FAM91A1: variants seen among roughly 807,000 people sequenced by gnomAD.
FAM91A1 encodes the protein family with sequence similarity 91 member A1.
Under a neutral mutation model 113.5 loss-of-function variants are expected in FAM91A1, and 41 were observed. The observed-to-expected ratio is 0.36, with a 90% confidence interval of 0.28 to 0.47. The LOEUF (loss-of-function observed/expected upper bound fraction) is 0.47. Among genes scored for constraint, FAM91A1 ranks in the 20% least tolerant of loss-of-function variants. The pLI, the probability that FAM91A1 is intolerant of heterozygous loss-of-function variation, is 1.00. For missense variants in FAM91A1, 696 were observed against 1,001.2 expected (o/e 0.70, Z 4.11); for synonymous variants, 307 against 347.9 (o/e 0.88, Z 1.31).
At chr8:123,780,566 AC>A (rs1563638081) in intron 8 of FAM91A1, 24 bp downstream of exon 8, 1 of 1,597,538 alleles carries the variant, frequency 6.3e-7, no homozygotes, top group East Asian at 2.2e-5. Flanking sequence ...AACATTTTTC[AC>A]TGTTTTTTGA....
At chr8:123,779,923 A>G in intron 6 of FAM91A1, 62 bp from the exon 7 acceptor site, 1 of 1,359,474 alleles carries the variant, frequency 7.4e-7, no homozygotes, top group Non-Finnish European at 1.0e-6. Flanking sequence ...AATAAATTTC[A>G]GGAGACTTGT....
intron 18 of FAM91A1, among the ~76,000 whole-genome samples, chr8:123,803,022 G>C (rs1815723485): frequency 6.6e-6 from 1 of 152,162 alleles, no homozygotes; most frequent in African/African-American, 2.4e-5. Context: ...TTAAAATGAA[G>C]GGTGGCTGGG....
chr8:123,805,847 A>C (rs928249841), intron 19 of FAM91A1, among the ~76,000 whole-genome samples: 1 of 152,224 alleles, frequency 6.6e-6, no homozygotes, highest in African/African-American at 2.4e-5. Flanking sequence ...ATAAGTTCAC[A>C]TATTTATGAG....
At chr8:123,776,614 T>C (rs1174313463) in intron 3 of FAM91A1, among the ~76,000 whole-genome samples, 1 of 152,192 alleles carries the variant, frequency 6.6e-6, no homozygotes. Flanking sequence ...ATTTGGGAGC[T>C]AAAATAGGTG....
chr8:123,808,142 C>T (rs1434234505), intron 20 of FAM91A1, 130 bp from the exon 21 acceptor site: 1 of 704,048 alleles, frequency 1.4e-6, no homozygotes, highest in Admixed American at 3.2e-5. Flanking sequence ...CTTATTTAAG[C>T]CAAGGATTAT....
Position 123,784,455 on chromosome 8 carries a change from TTC to T in FAM91A1, c.704-13_704-12del, listed in dbSNP as rs1237851200. ...AATCTGTACCACTGAGAAAAATCTC[TTC>T]TGTTTGTTTTAGTTCCACCTCTTGA... On this transcript the variant is annotated splice_polypyrimidine_tract_variant and intron_variant, in intron 8 of 23. Coordinates refer to ENST00000334705, the MANE Select transcript of FAM91A1 (RefSeq NM_144963.4). 7 of 1,577,014 alleles carry T rather than the reference TTC, an allele frequency of 4.4e-6. No homozygotes were observed. Among genetic ancestry groups the T allele is most frequent in the South Asian group, 1.2e-5 (1 of 84,842 alleles).
intron 15 of FAM91A1, among the ~76,000 whole-genome samples, chr8:123,793,200 C>T (rs62519926): frequency 0.018 from 2,815 of 152,252 alleles, 35 homozygotes; most frequent in Non-Finnish European, 0.028. Flanking sequence ...CCAGTTAATG[C>T]ATTGTCTGAT....
intron 18 of FAM91A1, among the ~76,000 whole-genome samples, chr8:123,801,299 T>A (rs1815673941): frequency 6.6e-6 from 1 of 152,220 alleles, no homozygotes; most frequent in Non-Finnish European, 1.5e-5. Flanking sequence ...ATGATAAACC[T>A]TATACTTTAT....
At chr8:123,792,215 C>A (rs183461281) in intron 15 of FAM91A1, among the ~76,000 whole-genome samples, 1 of 151,974 alleles carries the variant, frequency 6.6e-6, no homozygotes, top group Non-Finnish European at 1.5e-5. Context: ...GTGTTTTAAG[C>A]GTCTTGTTTG....
chr8:123,775,008 C>T, intron 2 of FAM91A1, 139 bp from the exon 3 acceptor site: 28 of 807,774 alleles, frequency 3.5e-5, no homozygotes, highest in South Asian at 1.7e-4. Flanking sequence ...TTCTTTGTTC[C>T]AACTTAGAAT....
chr8:123,779,890 A>G (rs188563137), intron 6 of FAM91A1, 95 bp from the exon 7 acceptor site: 15 of 966,800 alleles, frequency 1.6e-5, no homozygotes, highest in African/African-American at 1.1e-4. Flanking sequence ...AGCTAATGAC[A>G]TGTAATCACT....
At chr8:123,780,722 G>A (rs942297110) in intron 8 of FAM91A1, among the ~76,000 whole-genome samples, 180 bp downstream of exon 8, 1 of 151,938 alleles carries the variant, frequency 6.6e-6, no homozygotes, top group Admixed American at 6.6e-5. Context: ...TTTTGTATTT[G>A]GTGTACATAC....
Position 123,798,241 on chromosome 8 carries a change from A to G in FAM91A1, c.1560+3A>G. On this transcript the variant is annotated splice_donor_region_variant and intron_variant, in intron 16 of 23. Coordinates refer to ENST00000334705, the MANE Select transcript of FAM91A1 (RefSeq NM_144963.4). ...CTGTCAGCAGCTGCACCCCTCAGGT[A>G]AAGACCTACTTGGAAGATCCACTTG... 6.2e-7 allele frequency: 1 copy of G among 1,613,648 alleles called. No individual in the cohort carries two copies. Among genetic ancestry groups the G allele is most frequent in the Non-Finnish European group, 8.5e-7 (1 of 1,179,774 alleles).
intron 21 of FAM91A1, among the ~76,000 whole-genome samples, chr8:123,808,597 T>A (rs921550259): frequency 6.6e-6 from 1 of 152,186 alleles, no homozygotes; most frequent in Non-Finnish European, 1.5e-5. Context: ...TTTGATTCAT[T>A]CTCTCATCTT....
rs144099428 is a variant in FAM91A1 at position 123,795,547 on chromosome 8, C to T, written c.1412-2543C>T. 4.2e-3 allele frequency among the ~76,000 whole-genome samples: 646 copies of T among 152,286 alleles called. 7 individuals are homozygous for T. The highest frequency in any genetic ancestry group is 0.015 in the African/African-American group (624 of 41,556). On this transcript the variant is annotated intron_variant, in intron 15 of 23. Transcript: ENST00000334705. ...ATGATTGTCAGCTTCCTAAGGCCTC[C>T]TCAGAAGCAGAGGCCACTCTGCTTC...
rs753475997 is a variant in FAM91A1, at chr8:123,799,644, A to T, written c.1685A>T (p.Asp562Val). The change falls in exon 17 of 24, where the codon GAT (aspartate) becomes GTT (valine). Residue 562 changes from aspartate to valine, a missense_variant. Physicochemically the swap from Asp to Val is radical, Grantham distance 152. Transcript: ENST00000334705. ...GGTACAAGACTTCGAAAACTGCCAGATATATTTCAGGTATGTGTGGGAGGT... is the reference window on the plus strand; with the variant it reads ...GGTACAAGACTTCGAAAACTGCCAGTTATATTTCAGGTATGTGTGGGAGGT... ...SKGTRLRKLP[D>V]IFQSYDRLLI... The T allele has an allele frequency of 1.2e-6, 2 of 1,613,974 alleles. No individual in the cohort carries two copies. The highest frequency in any genetic ancestry group is 2.2e-5 in the East Asian group (1 of 44,854).
chr8:123,815,064 T>G lies in FAM91A1; in HGVS notation c.*2360T>G, dbSNP rs1299962933. 6.6e-6 allele frequency: 1 copy of G among 152,586 alleles called. No homozygotes were observed. Among genetic ancestry groups the G allele is most frequent in the Non-Finnish European group, 1.5e-5 (1 of 68,008 alleles). 9.5% of individuals were successfully genotyped at this position (152,586 alleles called of 1,614,324 possible). ...ACAAATATCAAAAAAGACATAGAATTTAATATTGATACAATTTCACCTCTA... is the reference window on the plus strand; with the variant it reads ...ACAAATATCAAAAAAGACATAGAATGTAATATTGATACAATTTCACCTCTA... On this transcript the variant is annotated 3_prime_UTR_variant, in exon 24 of 24. Coordinates refer to ENST00000334705, the MANE Select transcript of FAM91A1 (RefSeq NM_144963.4).
At chr8:123,804,665 A>G (rs1815763285) in intron 18 of FAM91A1, among the ~76,000 whole-genome samples, 1 of 152,078 alleles carries the variant, frequency 6.6e-6, no homozygotes, top group Non-Finnish European at 1.5e-5. Context: ...GTACCTGCAC[A>G]CAGATGTGCC....
intron 2 of FAM91A1, among the ~76,000 whole-genome samples, 183 bp from the exon 3 acceptor site, chr8:123,774,964 T>G (rs1293275132): frequency 6.6e-6 from 1 of 152,242 alleles, no homozygotes; most frequent in Non-Finnish European, 1.5e-5. Context: ...TTCATTTTAC[T>G]TCTATACTCT....
Sources: gnomAD v4.1 joint callset for allele counts (sites outside exome capture counted in the v4.1 genomes callset) on GRCh38, gnomAD v4.1.1 for gene constraint, MANE v1.5 for transcripts, NCBI Gene and HGNC (gene_info 2026-07-23, HGNC 2026-07-21) for gene names.